The following CAMTA1 variants were observed in gnomAD, a reference collection of about 807,000 sequenced individuals.
CAMTA1 encodes the protein calmodulin-binding transcription activator 1.
Under a neutral mutation model 170.9 loss-of-function variants are expected in CAMTA1, and 27 were observed. That is an observed-to-expected ratio of 0.16 (90% CI 0.12 to 0.22). CAMTA1 has a LOEUF of 0.22. Among genes scored for constraint, CAMTA1 ranks in the 10% least tolerant of loss-of-function variants. The pLI, the probability that CAMTA1 is intolerant of heterozygous loss-of-function variation, is 1.00. For missense variants in CAMTA1, 1,619 were observed against 2,217.2 expected, an observed-to-expected ratio of 0.73 and a Z score of 5.42; for synonymous variants, 833 against 891.5, an observed-to-expected ratio of 0.93 and a Z score of 1.17.
intron 3 of CAMTA1, among the ~76,000 whole-genome samples, chr1:6,894,592 G>T (rs1191934256): frequency 6.6e-6 from 1 of 152,160 alleles, no homozygotes; most frequent in African/African-American, 2.4e-5. Flanking sequence ...TGATTTGACG[G>T]CTTCTTTCTG....
chr1:7,163,828 A>C (rs894745086), intron 4 of CAMTA1, among the ~76,000 whole-genome samples: 4 of 152,178 alleles, frequency 2.6e-5, no homozygotes, highest in African/African-American at 9.7e-5. Context: ...GTGCCTGTGC[A>C]GGAATTCCCA....
intron 3 of CAMTA1, among the ~76,000 whole-genome samples, chr1:6,992,798 T>G (rs888844257): frequency 2.6e-5 from 4 of 152,162 alleles, no homozygotes; most frequent in African/African-American, 9.7e-5. Flanking sequence ...CATGATCCAA[T>G]CACCTCCCAC....
At chr1:7,586,103 G>A (rs1034027274) in intron 6 of CAMTA1, among the ~76,000 whole-genome samples, 2 of 152,010 alleles carry the variant, frequency 1.3e-5, no homozygotes, top group African/African-American at 4.8e-5. Flanking sequence ...CCTGGAGGAG[G>A]AGGAAGGCGC....
At chr1:7,094,448 G>T (rs1641831917) in intron 4 of CAMTA1, among the ~76,000 whole-genome samples, 1 of 152,204 alleles carries the variant, frequency 6.6e-6, no homozygotes, top group Non-Finnish European at 1.5e-5. Context: ...AAAATGAATT[G>T]CACCACTGAC....
At chr1:7,178,973 C>T (rs1651524239) in intron 4 of CAMTA1, among the ~76,000 whole-genome samples, 1 of 152,204 alleles carries the variant, frequency 6.6e-6, no homozygotes, top group South Asian at 2.1e-4. Flanking sequence ...GCTGTGTGAA[C>T]CAGGGAACAG....
At chr1:7,648,776 C>G (rs1229750550) in intron 7 of CAMTA1, among the ~76,000 whole-genome samples, 6 of 152,206 alleles carry the variant, frequency 3.9e-5, no homozygotes, top group African/African-American at 1.4e-4. Flanking sequence ...GAAAGGCAGG[C>G]CCTTCCCCAG....
chr1:7,360,833 G>A (rs543595147), intron 5 of CAMTA1, among the ~76,000 whole-genome samples: 30 of 152,360 alleles, frequency 2.0e-4, no homozygotes, highest in African/African-American at 6.7e-4. Flanking sequence ...TCTCCACGCC[G>A]GAGTTGCCTG....
intron 3 of CAMTA1, chr1:6,871,760 T>C: frequency 6.5e-7 from 1 of 1,535,080 alleles, no homozygotes; most frequent in Non-Finnish European, 8.7e-7. Context: ...TTTGCAGAGA[T>C]CATGATGCAG....
chr1:7,102,886 A>G (rs556080720), intron 4 of CAMTA1, among the ~76,000 whole-genome samples: 3 of 152,096 alleles, frequency 2.0e-5, no homozygotes, highest in African/African-American at 7.2e-5. Context: ...CACCTTCTTT[A>G]GTTGTTGGTT....
intron 5 of CAMTA1, among the ~76,000 whole-genome samples, chr1:7,336,481 G>A (rs985598766): frequency 2.0e-5 from 3 of 152,202 alleles, no homozygotes; most frequent in Non-Finnish European, 4.4e-5. Context: ...TTCCAGAACG[G>A]AGCAAGTTTC....
chr1:7,070,300 C>G (rs745479850), intron 3 of CAMTA1, among the ~76,000 whole-genome samples: 3 of 152,170 alleles, frequency 2.0e-5, no homozygotes, highest in Non-Finnish European at 4.4e-5. Flanking sequence ...TGGACTTTCA[C>G]GGGAATTCAT....
intron 3 of CAMTA1, among the ~76,000 whole-genome samples, chr1:7,000,296 C>T (rs1698033539): frequency 6.6e-6 from 1 of 152,254 alleles, no homozygotes; most frequent in Non-Finnish European, 1.5e-5. Context: ...CCAGGAACTT[C>T]TCACCATTTC....
chr1:7,720,898 T>C (rs960606686), intron 11 of CAMTA1, among the ~76,000 whole-genome samples: 11 of 152,200 alleles, frequency 7.2e-5, no homozygotes, highest in Admixed American at 1.3e-4. Flanking sequence ...CTTGGATCAC[T>C]TTGACCATCC....
chr1:6,858,547 ACTGG>A (rs1313233375), intron 3 of CAMTA1, among the ~76,000 whole-genome samples: 1 of 150,010 alleles, frequency 6.7e-6, no homozygotes, highest in Admixed American at 6.8e-5. Flanking sequence ...CCGGCATTAT[ACTGG>A]TGTGGTTATA....
At chr1:7,011,858 C>T (rs970913847) in intron 3 of CAMTA1, among the ~76,000 whole-genome samples, 33 of 152,198 alleles carry the variant, frequency 2.2e-4, no homozygotes, top group Middle Eastern at 3.4e-3. Flanking sequence ...CCAGTAGTTC[C>T]GATACCTCCA....
chr1:7,257,827 G>A (rs757571131), intron 5 of CAMTA1, among the ~76,000 whole-genome samples: 1 of 152,184 alleles, frequency 6.6e-6, no homozygotes, highest in Non-Finnish European at 1.5e-5. Flanking sequence ...CATCAGAGCT[G>A]TTCCTTTGAA....
At chr1:7,636,774 G>A (rs901262536) in intron 6 of CAMTA1, among the ~76,000 whole-genome samples, 1 of 152,064 alleles carries the variant, frequency 6.6e-6, no homozygotes, top group African/African-American at 2.4e-5. Context: ...CAGATGTCAG[G>A]AGAACACAGG....
At chr1:7,292,268 A>C (rs6577435) in intron 5 of CAMTA1, among the ~76,000 whole-genome samples, 121,322 of 152,012 alleles carry the variant, frequency 0.8, 49,006 homozygotes, top group African/African-American at 0.92. Flanking sequence ...GGGATCAATT[A>C]TGAACTACTC....
chr1:7,764,502 G>T (rs1456215544), intron 22 of CAMTA1, among the ~76,000 whole-genome samples: 1 of 152,200 alleles, frequency 6.6e-6, no homozygotes, highest in Non-Finnish European at 1.5e-5. Context: ...TATCAACTTT[G>T]CAGAATACTC....
Sources: gnomAD v4.1 joint callset for allele counts (sites outside exome capture counted in the v4.1 genomes callset) on GRCh38, gnomAD v4.1.1 for gene constraint, MANE v1.5 for transcripts, NCBI Gene and HGNC (gene_info 2026-07-23, HGNC 2026-07-21) for gene names.